Variants in ZNF385D observed in about 807,000 individuals in gnomAD.
ZNF385D encodes zinc finger protein 659.
In ZNF385D, 15 loss-of-function variants were observed where a neutral mutation model predicts 35.8. That is an observed-to-expected ratio of 0.42 (90% CI 0.28 to 0.64). The LOEUF is 0.64. Ranked by LOEUF, ZNF385D falls within the 30% of genes least tolerant of loss-of-function variation. The probability of loss-of-function intolerance (pLI) is 0.23; values close to 1 mark genes in which losing one functional copy is unlikely to be tolerated. For synonymous variants in ZNF385D, 212 were observed against 186.8 expected (o/e 1.13, Z -1.10); for missense variants, 474 against 494.6 (o/e 0.96, Z 0.39).
intron 2 of ZNF385D, among the ~76,000 whole-genome samples, chr3:22,200,360 G>A (rs867760877): frequency 1.2e-4 from 18 of 152,142 alleles, no homozygotes; most frequent in East Asian, 7.7e-4. Flanking sequence ...ATCACATGTC[G>A]GTAGGTTCCA....
intron 2 of ZNF385D, among the ~76,000 whole-genome samples, chr3:22,244,362 TGTAAA>T (rs1203813836): frequency 7.1e-5 from 1 of 14,184 alleles, no homozygotes; most frequent in African/African-American, 2.5e-4. Context: ...GACAACCGAA[TGTAAA>T]AAAAAAAAAA....
chr3:21,561,647 T>C (rs2062950631), intron 3 of ZNF385D, among the ~76,000 whole-genome samples: 1 of 152,144 alleles, frequency 6.6e-6, no homozygotes, highest in Admixed American at 6.5e-5. Flanking sequence ...AATTTCAGTG[T>C]TGTGTCTCAG....
intron 3 of ZNF385D, among the ~76,000 whole-genome samples, chr3:21,913,588 G>T (rs1210212033): frequency 6.6e-6 from 1 of 152,012 alleles, no homozygotes; most frequent in African/African-American, 2.4e-5. Flanking sequence ...GTTTATCTCT[G>T]GGAAGCTGCT....
intron 2 of ZNF385D, among the ~76,000 whole-genome samples, chr3:22,194,717 T>A (rs1282152547): frequency 4.6e-5 from 7 of 151,944 alleles, no homozygotes; most frequent in Non-Finnish European, 8.8e-5. Flanking sequence ...TCATTCGTTT[T>A]TTCTTTTCAA....
At chr3:21,835,133 T>C (rs538637112) in intron 3 of ZNF385D, among the ~76,000 whole-genome samples, 350 of 152,162 alleles carry the variant, frequency 2.3e-3, no homozygotes, top group Non-Finnish European at 4.2e-3. Flanking sequence ...ATTTAGTTAT[T>C]ATTTAAATTC....
chr3:21,584,739 C>T (rs2063762227), intron 2 of ZNF385D, among the ~76,000 whole-genome samples: 1 of 152,032 alleles, frequency 6.6e-6, no homozygotes, highest in African/African-American at 2.4e-5. Flanking sequence ...TCTTAGTCAT[C>T]AGTCACCATG....
chr3:21,875,590 TC>T (rs1697921987), intron 3 of ZNF385D, among the ~76,000 whole-genome samples: 1 of 152,076 alleles, frequency 6.6e-6, no homozygotes, highest in South Asian at 2.1e-4. Context: ...TATCTGATAC[TC>T]CAGTGCAAAA....
chr3:21,966,526 T>C (rs978627194), intron 3 of ZNF385D, among the ~76,000 whole-genome samples: 7 of 152,202 alleles, frequency 4.6e-5, no homozygotes, highest in Admixed American at 2.0e-4. Flanking sequence ...TCCTGATTAA[T>C]TGTGTCCCTA....
chr3:21,913,274 T>C (rs951690931), intron 3 of ZNF385D, among the ~76,000 whole-genome samples: 1 of 152,124 alleles, frequency 6.6e-6, no homozygotes, highest in African/African-American at 2.4e-5. Flanking sequence ...AGAACCATTA[T>C]AATTTCACCT....
intron 2 of ZNF385D, among the ~76,000 whole-genome samples, chr3:22,191,441 A>G (rs1696021357): frequency 6.6e-6 from 1 of 151,450 alleles, no homozygotes; most frequent in Non-Finnish European, 1.5e-5. Context: ...GAGCCGAGAT[A>G]GTACCATTGC....
chr3:22,303,803 G>GT (rs1167399383), intron 2 of ZNF385D, among the ~76,000 whole-genome samples: 1 of 151,864 alleles, frequency 6.6e-6, no homozygotes, highest in Non-Finnish European at 1.5e-5. Context: ...CTGAGATGGA[G>GT]TTTTGCTCTT....
chr3:21,417,533 T>C lies in ZNF385D; in HGVS notation c.*3681A>G, dbSNP rs1038365974. 5.2e-4 allele frequency: 79 copies of C among 152,298 alleles called. No homozygotes were observed. Among genetic ancestry groups the C allele is most frequent in the African/African-American group, 1.8e-3 (75 of 41,588 alleles). The allele number at this position is 152,298 out of a possible 1,614,324, so 9.4% of individuals were successfully genotyped here. On this transcript the variant is annotated 3_prime_UTR_variant, in exon 8 of 8. Coordinates refer to ENST00000281523, the MANE Select transcript of ZNF385D (RefSeq NM_024697.3). Reference sequence around the variant, plus strand: ...CCACTTCAGTTACCTTTTAGCTTTCTGATCTGATTTCTTCAGAACAATTGA... The same window carrying C: ...CCACTTCAGTTACCTTTTAGCTTTCCGATCTGATTTCTTCAGAACAATTGA...
chr3:21,610,587 G>A (rs1277644655), intron 2 of ZNF385D, among the ~76,000 whole-genome samples: 1 of 152,008 alleles, frequency 6.6e-6, no homozygotes, highest in Admixed American at 6.6e-5. Flanking sequence ...TGGCTGACAC[G>A]GTGAAACCCC....
chr3:21,488,797 T>C (rs1005379429), intron 4 of ZNF385D, among the ~76,000 whole-genome samples: 2 of 152,120 alleles, frequency 1.3e-5, no homozygotes, highest in Admixed American at 1.3e-4. Context: ...GGCCAGAGTT[T>C]TTAAAGCATG....
chr3:22,279,991 G>T (rs151196232), intron 2 of ZNF385D, among the ~76,000 whole-genome samples: 167 of 152,038 alleles, frequency 1.1e-3, no homozygotes, highest in African/African-American at 3.7e-3. Context: ...GCAGCATAAG[G>T]TTGTATTGCC....
chr3:21,703,823 C>T lies in ZNF385D; in HGVS notation c.23-38795G>A, dbSNP rs546672138. 1.2e-4 allele frequency among the ~76,000 whole-genome samples: 19 copies of T among 152,252 alleles called. No individual in the cohort carries two copies. In the South Asian group the frequency reaches 3.7e-3, roughly 30 times the overall value. On this transcript the variant is annotated intron_variant, in intron 1 of 7. Transcript: ENST00000281523. Reference sequence around the variant, plus strand: ...CCTTTGGGATTAAACTGAGCCCAGGCACTTACCTAGCAATAGCTGCTACTC... The same window carrying T: ...CCTTTGGGATTAAACTGAGCCCAGGTACTTACCTAGCAATAGCTGCTACTC...
At chr3:21,652,633 C>A (rs1181650375) in intron 2 of ZNF385D, among the ~76,000 whole-genome samples, 2 of 139,734 alleles carry the variant, frequency 1.4e-5, no homozygotes, top group African/African-American at 5.4e-5. Context: ...CCTCCCCCAA[C>A]CCCACAACAG....
intron 4 of ZNF385D, among the ~76,000 whole-genome samples, chr3:21,472,777 G>A (rs564572871): frequency 6.6e-6 from 1 of 152,164 alleles, no homozygotes; most frequent in Admixed American, 6.6e-5. Flanking sequence ...TAAGGCAAAT[G>A]ACAAGCTGTA....
At chr3:21,693,914 T>G (rs1259449482) in intron 1 of ZNF385D, among the ~76,000 whole-genome samples, 1 of 146,904 alleles carries the variant, frequency 6.8e-6, no homozygotes, top group Non-Finnish European at 1.5e-5. Context: ...GGAGTCTCAC[T>G]GTCACCCAGG....
Sources: gnomAD v4.1 joint callset for allele counts (sites outside exome capture counted in the v4.1 genomes callset) on GRCh38, gnomAD v4.1.1 for gene constraint, MANE v1.5 for transcripts, NCBI Gene and HGNC (gene_info 2026-07-23, HGNC 2026-07-21) for gene names.